Variants in SAMD12 observed in about 807,000 individuals in gnomAD.
SAMD12 encodes sterile alpha motif domain containing 12, also known as sterile alpha motif domain-containing protein 12.
In SAMD12, 9 loss-of-function variants were observed where a neutral mutation model predicts 15.0. The ratio of observed to expected loss-of-function variants is 0.60; its 90% CI spans 0.36 to 1.05. The LOEUF (loss-of-function observed/expected upper bound fraction) is 1.05. Ranked by LOEUF, SAMD12 falls within the 50% of genes least tolerant of loss-of-function variation. SAMD12 has a pLI of 0.01. For missense variants in SAMD12, 230 were observed against 234.2 expected (o/e 0.98, Z 0.12); for synonymous variants, 86 against 90.1 (o/e 0.96, Z 0.25).
At chr8:118,368,432 T>A (rs1279853153) in intron 4 of SAMD12, among the ~76,000 whole-genome samples, 3 of 152,040 alleles carry the variant, frequency 2.0e-5, no homozygotes, top group Non-Finnish European at 4.4e-5. Flanking sequence ...CACTGGAGAG[T>A]GTCACTCAGG....
At chr8:118,567,796 T>C (rs941626396) in intron 2 of SAMD12, among the ~76,000 whole-genome samples, 4 of 152,266 alleles carry the variant, frequency 2.6e-5, no homozygotes, top group African/African-American at 4.8e-5. Context: ...TGTTGCTTTA[T>C]GAAAATTCCC....
At chr8:118,616,222 A>G (rs929145027) in intron 1 of SAMD12, among the ~76,000 whole-genome samples, 1 of 152,238 alleles carries the variant, frequency 6.6e-6, no homozygotes, top group African/African-American at 2.4e-5. Context: ...CACTGCTTTC[A>G]TGACATCTGC....
At chr8:118,510,029 C>G (rs1176321433) in intron 2 of SAMD12, among the ~76,000 whole-genome samples, 1 of 152,152 alleles carries the variant, frequency 6.6e-6, no homozygotes, top group African/African-American at 2.4e-5. Flanking sequence ...TCTGTGCACA[C>G]TAGAGTAGTT....
At chr8:118,342,915 G>A (rs1817445520) in intron 4 of SAMD12, among the ~76,000 whole-genome samples, 2 of 152,322 alleles carry the variant, frequency 1.3e-5, no homozygotes, top group South Asian at 4.1e-4. Flanking sequence ...GGTGGTGGAG[G>A]TGGTAGCATT....
chr8:118,376,475 G>A (rs1819393905), downstream of SAMD12, among the ~76,000 whole-genome samples: 1 of 152,088 alleles, frequency 6.6e-6, no homozygotes, highest in African/African-American at 2.4e-5. Context: ...GTGAGGAAGT[G>A]GGCCCTCATC....
chr8:118,320,672 T>TGG (rs71569763), intron 4 of SAMD12, among the ~76,000 whole-genome samples: 11,530 of 84,998 alleles, frequency 0.14, 723 homozygotes, highest in Non-Finnish European at 0.16. Context: ...TGTCGTGGGG[T>TGG]GGGGGGGGTG....
intron 3 of SAMD12, among the ~76,000 whole-genome samples, chr8:118,413,439 T>C (rs1162003076): frequency 6.6e-6 from 1 of 152,196 alleles, no homozygotes; most frequent in African/African-American, 2.4e-5. Flanking sequence ...GAATGTCCTT[T>C]ACCTTCTTTC....
the SAMD12 span, among the ~76,000 whole-genome samples, chr8:118,158,998 G>A: frequency 6.6e-6 from 1 of 152,062 alleles, no homozygotes; most frequent in Non-Finnish European, 1.5e-5. Flanking sequence ...TGCGGGACAA[G>A]AACTCGGGAC....
chr8:118,188,197 AAAGG>A (rs1036823148), downstream of SAMD12, among the ~76,000 whole-genome samples: 6 of 152,186 alleles, frequency 3.9e-5, no homozygotes, highest in African/African-American at 1.4e-4. Flanking sequence ...GAGGACTAAC[AAAGG>A]AAGAAAATCA....
At chr8:118,580,165 A>G (rs563615497) in intron 2 of SAMD12, among the ~76,000 whole-genome samples, 163 of 152,302 alleles carry the variant, frequency 1.1e-3, no homozygotes, top group African/African-American at 3.6e-3. Context: ...CAATAAGTCA[A>G]TAGATCAAGA....
At chr8:118,454,424 T>C (rs1823179949) in intron 2 of SAMD12, among the ~76,000 whole-genome samples, 1 of 152,198 alleles carries the variant, frequency 6.6e-6, no homozygotes, top group African/African-American at 2.4e-5. Flanking sequence ...TGCTTAGATA[T>C]GGGTCTTCTT....
chr8:118,328,636 T>G (rs944536088), intron 4 of SAMD12, among the ~76,000 whole-genome samples: 1 of 152,188 alleles, frequency 6.6e-6, no homozygotes, highest in Admixed American at 6.5e-5. Context: ...AGACTTAAAG[T>G]ATAAGGCAGT....
At chr8:118,340,455 T>C (rs751088117) in intron 4 of SAMD12, among the ~76,000 whole-genome samples, 25 of 152,128 alleles carry the variant, frequency 1.6e-4, no homozygotes, top group Non-Finnish European at 3.7e-4. Flanking sequence ...TATGTATATA[T>C]GTATATTATT....
chr8:118,515,394 A>G (rs1419709199), intron 2 of SAMD12, among the ~76,000 whole-genome samples: 1 of 151,886 alleles, frequency 6.6e-6, no homozygotes, highest in Non-Finnish European at 1.5e-5. Flanking sequence ...CACGATTGAA[A>G]GTTTCCTGAA....
At chr8:118,393,505 C>T (rs1468937667) in intron 3 of SAMD12, among the ~76,000 whole-genome samples, 3 of 152,066 alleles carry the variant, frequency 2.0e-5, no homozygotes, top group Admixed American at 2.0e-4. Context: ...TGGCCTTGGC[C>T]TCCCAAAGTG....
intron 4 of SAMD12, among the ~76,000 whole-genome samples, chr8:118,292,135 C>T (rs1019155300): frequency 1.3e-5 from 2 of 150,732 alleles, no homozygotes; most frequent in African/African-American, 4.9e-5. Flanking sequence ...TGGGAACTTG[C>T]AGGAAAGGGC....
chr8:118,549,022 A>C (rs970641970), intron 2 of SAMD12, among the ~76,000 whole-genome samples: 2 of 152,260 alleles, frequency 1.3e-5, no homozygotes, highest in African/African-American at 4.8e-5. Flanking sequence ...CGAAGCAGCC[A>C]GGAAGCTGGA....
intron 4 of SAMD12, among the ~76,000 whole-genome samples, chr8:118,276,070 T>C (rs1813467309): frequency 6.6e-6 from 1 of 152,226 alleles, no homozygotes; most frequent in South Asian, 2.1e-4. Context: ...TGAAACCTTA[T>C]GCTCCAGAAC....
intron 2 of SAMD12, among the ~76,000 whole-genome samples, chr8:118,564,355 G>A (rs558567730): frequency 2.0e-5 from 3 of 152,290 alleles, no homozygotes; most frequent in Non-Finnish European, 2.9e-5. Context: ...CCACATGAAA[G>A]TAAACGGAAG....
Sources: gnomAD v4.1 joint callset for allele counts (sites outside exome capture counted in the v4.1 genomes callset) on GRCh38, gnomAD v4.1.1 for gene constraint, MANE v1.5 for transcripts, NCBI Gene and HGNC (gene_info 2026-07-23, HGNC 2026-07-21) for gene names.